Variants in NUP107 observed in about 807,000 individuals in gnomAD.
The protein encoded by NUP107 is nucleoporin 107, also known as nuclear pore complex protein Nup107.
In NUP107, 101 loss-of-function variants were observed where a neutral mutation model predicts 141.0. The ratio of observed to expected loss-of-function variants is 0.72; its 90% CI spans 0.61 to 0.84. NUP107 has a LOEUF of 0.84. Ranked by LOEUF, NUP107 falls within the 40% of genes least tolerant of loss-of-function variation. The pLI is 0.00. For synonymous variants in NUP107, 319 were observed against 363.9 expected (o/e 0.88, Z 1.41); for missense variants, 941 against 1,102.7 (o/e 0.85, Z 2.08).
intron 20 of NUP107, among the ~76,000 whole-genome samples, chr12:68,728,336 A>G (rs965271942): frequency 6.6e-6 from 1 of 150,488 alleles, no homozygotes; most frequent in African/African-American, 2.4e-5. Context: ...TTGCGCCTGT[A>G]ATCCCAGCAC....
intron 18 of NUP107, 22 bp from the exon 19 acceptor site, chr12:68,726,477 T>C: frequency 6.9e-7 from 1 of 1,439,200 alleles, no homozygotes. Flanking sequence ...TATTGTTGAA[T>C]CTTCACTTTG....
intron 26 of NUP107, among the ~76,000 whole-genome samples, chr12:68,740,821 C>T (rs959177275): frequency 1.3e-5 from 2 of 151,366 alleles, no homozygotes; most frequent in East Asian, 1.9e-4. Context: ...CCCAAGAGTT[C>T]GATACTAGCT....
chr12:68,736,737 T>TG (rs1878086910), intron 26 of NUP107, among the ~76,000 whole-genome samples: 1 of 150,732 alleles, frequency 6.6e-6, no homozygotes, highest in Non-Finnish European at 1.5e-5. Flanking sequence ...TTTTTTTTTT[T>TG]TTGAGAAAGA....
At chr12:68,724,135 T>G (rs868862524) in intron 17 of NUP107, among the ~76,000 whole-genome samples, 4 of 148,780 alleles carry the variant, frequency 2.7e-5, no homozygotes, top group African/African-American at 9.9e-5. Flanking sequence ...CAAGACAACG[T>G]TTTTTTTTTA....
At position 68,709,223 on chromosome 12, in the gene NUP107, T is replaced by A. The variant is rs374803329; in HGVS notation, c.730-15T>A. The A allele has an allele frequency of 2.4e-5, 36 of 1,515,190 alleles. No homozygotes were observed. The African/African-American group carries it at 4.9e-4, about 20-fold the overall frequency. The allele number at this position is 1,515,190 out of a possible 1,614,324, so 93.9% of individuals were successfully genotyped here. A position where few individuals can be genotyped will look rare whatever the true frequency, so the allele number is the denominator to read the frequency against. ...CTTTTCATTCTGTTTATCCTTTTAA[T>A]ATTTTTCATAATAGGCTGTTAATGC... On this transcript the variant is annotated splice_polypyrimidine_tract_variant and intron_variant, in intron 8 of 27. Coordinates refer to ENST00000229179, the MANE Select transcript of NUP107 (RefSeq NM_020401.4).
intron 5 of NUP107, 44 bp downstream of exon 5, chr12:68,692,156 G>A: frequency 2.6e-6 from 4 of 1,517,346 alleles, no homozygotes; most frequent in Non-Finnish European, 2.7e-6. Context: ...TTTCACTTTA[G>A]CAAGATGAAG....
intron 26 of NUP107, among the ~76,000 whole-genome samples, chr12:68,741,038 G>C (rs1345485097): frequency 1.3e-5 from 2 of 151,228 alleles, no homozygotes; most frequent in African/African-American, 4.9e-5. Flanking sequence ...AGAGTGAGAT[G>C]CTGTCTCAGA....
intron 26 of NUP107, among the ~76,000 whole-genome samples, chr12:68,737,196 A>G (rs967900608): frequency 1.3e-5 from 2 of 152,228 alleles, no homozygotes; most frequent in Admixed American, 6.5e-5. Flanking sequence ...ATTTATACAT[A>G]CATCTTTGCT....
In NUP107 at chr12:68,742,469, C is replaced by T; in HGVS notation, c.*7C>T. 7.3e-7 allele frequency: 1 copy of T among 1,361,546 alleles called. No individual in the cohort carries two copies. Among genetic ancestry groups the T allele is most frequent in the Non-Finnish European group, 1.0e-6 (1 of 984,338 alleles). 84.3% of individuals were successfully genotyped at this position (1,361,546 alleles called of 1,614,324 possible). The stretch of plus-strand genomic sequence containing the variant: ...GTATGAAATTCAGTTATAGTTTAAT[C>T]TTTGTAATCTCACTAATTTTCATGA... On this transcript the variant is annotated 3_prime_UTR_variant, in exon 28 of 28. Coordinates refer to ENST00000229179, the MANE Select transcript of NUP107 (RefSeq NM_020401.4).
At chr12:68,734,586 C>T (rs2136048014) in intron 24 of NUP107, 122 bp from the exon 25 acceptor site, 1 of 705,196 alleles carries the variant, frequency 1.4e-6, no homozygotes, top group South Asian at 2.3e-5. Context: ...ATATATTGAA[C>T]AGTTTTATTT....
intron 26 of NUP107, among the ~76,000 whole-genome samples, chr12:68,736,345 G>A (rs966848245): frequency 6.6e-6 from 1 of 152,052 alleles, no homozygotes; most frequent in Admixed American, 6.6e-5. Flanking sequence ...AGGCAGGACA[G>A]CGAACTAAAT....
chr12:68,739,275 A>G (rs879367921), intron 26 of NUP107, among the ~76,000 whole-genome samples: 3 of 152,248 alleles, frequency 2.0e-5, no homozygotes, highest in Non-Finnish European at 4.4e-5. Flanking sequence ...AATCTGATAT[A>G]AAACATATTA....
intron 5 of NUP107, among the ~76,000 whole-genome samples, chr12:68,695,744 A>G (rs1306107582): frequency 2.6e-5 from 4 of 152,218 alleles, no homozygotes; most frequent in Non-Finnish European, 5.9e-5. Flanking sequence ...ACTGAACTAT[A>G]CACTTAAAAA....
chr12:68,724,613 C>CA (rs1421340497), intron 17 of NUP107, among the ~76,000 whole-genome samples: 28 of 151,880 alleles, frequency 1.8e-4, no homozygotes, highest in African/African-American at 6.0e-4. Context: ...CCCATCTCTA[C>CA]AAAAAAAATT....
chr12:68,703,980 C>T (rs576816063), intron 8 of NUP107, among the ~76,000 whole-genome samples: 2 of 152,206 alleles, frequency 1.3e-5, no homozygotes, highest in East Asian at 3.9e-4. Flanking sequence ...AGGCTAAGGC[C>T]AGAGGATCAC....
chr12:68,704,849 T>A (rs77833985), intron 8 of NUP107, among the ~76,000 whole-genome samples: 2 of 145,562 alleles, frequency 1.4e-5, no homozygotes, highest in Admixed American at 1.4e-4. Flanking sequence ...GTTAGACTGC[T>A]TTTTTTTTTC....
intron 10 of NUP107, among the ~76,000 whole-genome samples, chr12:68,713,519 G>A (rs1337533513): frequency 2.0e-5 from 3 of 151,908 alleles, no homozygotes; most frequent in South Asian, 2.1e-4. Context: ...GATACATCAC[G>A]AAACCAGATA....
chr12:68,688,727 A>G (rs555932142), intron 1 of NUP107, among the ~76,000 whole-genome samples: 2 of 152,320 alleles, frequency 1.3e-5, no homozygotes, highest in South Asian at 4.1e-4. Context: ...AAAATAACAT[A>G]GTGAGTACTA....
At chr12:68,717,826 C>A (rs1474475765) in intron 12 of NUP107, among the ~76,000 whole-genome samples, 1 of 152,082 alleles carries the variant, frequency 6.6e-6, no homozygotes, top group Non-Finnish European at 1.5e-5. Flanking sequence ...TTTTAAGATA[C>A]CATATCAAAA....
Sources: allele counts gnomAD v4.1 joint callset (sites outside exome capture counted in the v4.1 genomes callset), GRCh38; gene constraint gnomAD v4.1.1; transcripts MANE v1.5; gene names NCBI Gene and HGNC (gene_info 2026-07-23, HGNC 2026-07-21).